ZBTB20: variants seen among roughly 807,000 people sequenced by gnomAD.
ZBTB20 encodes zinc finger and BTB domain containing 20, also known as zinc finger and BTB domain-containing protein 20.
ZBTB20 carries 9 observed loss-of-function variants against 56.9 expected under a neutral mutation model. That is an observed-to-expected ratio of 0.16 (90% CI 0.10 to 0.28). The LOEUF (loss-of-function observed/expected upper bound fraction) is 0.28, where lower values mean the gene tolerates loss of function less well. ZBTB20 is among the 10% of genes least tolerant of loss of function. The pLI is 1.00. For synonymous variants in ZBTB20, 417 were observed against 420.7 expected (o/e 0.99, Z 0.11); for missense variants, 655 against 1,003.0 (o/e 0.65, Z 4.69).
At position 114,926,537 on chromosome 3, in the gene ZBTB20, C is replaced by G. The variant is rs181476205; in HGVS notation, c.-455-26195G>C. ...AAAACAGAAGGCTTTAAAAAAGTACCAAGAGATACAAATAAAAATTGAATA... is the reference window on the plus strand; with the variant it reads ...AAAACAGAAGGCTTTAAAAAAGTACGAAGAGATACAAATAAAAATTGAATA... On this transcript the variant is annotated intron_variant, in intron 3 of 11. Transcript: ENST00000675478. Among the ~76,000 whole-genome samples, 59 of 151,742 alleles carry G rather than the reference C, an allele frequency of 3.9e-4. No individual in the cohort carries two copies. The Middle Eastern group carries it at 0.024, about 61-fold the overall frequency.
intron 7 of ZBTB20, among the ~76,000 whole-genome samples, chr3:114,496,932 G>T (rs2043345381): frequency 6.6e-6 from 1 of 152,174 alleles, no homozygotes; most frequent in South Asian, 2.1e-4. Context: ...CACCCACTAT[G>T]GGCAGTAGGA....
chr3:114,418,436 C>T (rs1042221920), intron 7 of ZBTB20, among the ~76,000 whole-genome samples: 6 of 151,970 alleles, frequency 3.9e-5, no homozygotes, highest in African/African-American at 1.2e-4. Context: ...TGTGGCCATA[C>T]ATTCACTTAG....
rs1033704209 is a variant in ZBTB20, at chr3:114,625,232, A to G, written c.-295+68296T>C. 2.6e-5 allele frequency among the ~76,000 whole-genome samples: 4 copies of G among 152,136 alleles called. 1 individual carries two copies. Among genetic ancestry groups the G allele is most frequent in the Admixed American group, 2.6e-4 (4 of 15,266 alleles). Reference sequence around the variant, plus strand: ...GTAAAAAAAGAAGCATCAAGAGAAAAAAAAAAGCTGCCTACCAAACATAGC... The same window carrying G: ...GTAAAAAAAGAAGCATCAAGAGAAAGAAAAAAGCTGCCTACCAAACATAGC... On this transcript the variant is annotated intron_variant, in intron 6 of 11. Transcript: ENST00000675478.
At chr3:114,687,418 G>A (rs2062409084) in intron 6 of ZBTB20, 1 of 151,942 alleles carries the variant, frequency 6.6e-6, no homozygotes, top group Non-Finnish European at 1.5e-5. Context: ...TTATTTGACT[G>A]CTAGTGACAG....
chr3:114,316,899 A>C lies in ZBTB20; in HGVS notation c.*22106T>G, dbSNP rs569286808. On this transcript the variant is annotated 3_prime_UTR_variant, in exon 12 of 12. Transcript: ENST00000675478. ...GCAGCACCTTTATGAGAAGGTAGAGATAGAAAAGGAAGAAGGAAGGAAAGC... is the reference window on the plus strand; with the variant it reads ...GCAGCACCTTTATGAGAAGGTAGAGCTAGAAAAGGAAGAAGGAAGGAAAGC... The C allele has an allele frequency of 8.3e-4, 173 of 209,378 alleles. 1 individual carries two copies. Among genetic ancestry groups the C allele is most frequent in the Admixed American group, 4.9e-3 (91 of 18,730 alleles). 13.0% of individuals were successfully genotyped at this position (209,378 alleles called of 1,614,324 possible).
intron 5 of ZBTB20, among the ~76,000 whole-genome samples, chr3:114,770,850 T>A (rs901589501): frequency 6.6e-6 from 1 of 152,248 alleles, no homozygotes; most frequent in Admixed American, 6.5e-5. Flanking sequence ...TACTTACCAG[T>A]TGAGTACCCC....
chr3:114,821,069 T>G (rs139130578), intron 4 of ZBTB20, among the ~76,000 whole-genome samples: 28 of 152,270 alleles, frequency 1.8e-4, no homozygotes, highest in Admixed American at 1.8e-3. Flanking sequence ...AATACCAACC[T>G]TGCCTAGTAT....
chr3:114,696,108 G>A (rs761351973), intron 5 of ZBTB20, among the ~76,000 whole-genome samples: 1 of 151,904 alleles, frequency 6.6e-6, no homozygotes, highest in Non-Finnish European at 1.5e-5. Flanking sequence ...CAATAATCTC[G>A]ATCACCCAGT....
intron 5 of ZBTB20, among the ~76,000 whole-genome samples, chr3:114,718,668 A>T (rs2064686282): frequency 6.6e-6 from 1 of 152,124 alleles, no homozygotes; most frequent in Non-Finnish European, 1.5e-5. Context: ...GTGATAATAA[A>T]AATAACATGA....
intron 6 of ZBTB20, among the ~76,000 whole-genome samples, chr3:114,656,836 T>C (rs1187183842): frequency 1.3e-5 from 2 of 152,144 alleles, no homozygotes; most frequent in African/African-American, 4.8e-5. Context: ...CTCCACCTCC[T>C]GGGTTCAAGC....
intron 5 of ZBTB20, among the ~76,000 whole-genome samples, chr3:114,699,526 A>C (rs1258876820): frequency 6.6e-6 from 1 of 152,122 alleles, no homozygotes; most frequent in Non-Finnish European, 1.5e-5. Flanking sequence ...CTTTAGAAAA[A>C]GAATTGCAAC....
intron 2 of ZBTB20, among the ~76,000 whole-genome samples, chr3:115,039,693 T>C (rs757251869): frequency 4.7e-4 from 72 of 152,216 alleles, no homozygotes; most frequent in Non-Finnish European, 8.2e-4. Flanking sequence ...AGCAAAGTAT[T>C]AAAAAGTTGT....
At chr3:114,798,874 G>C (rs1020563843) in intron 5 of ZBTB20, among the ~76,000 whole-genome samples, 4 of 151,658 alleles carry the variant, frequency 2.6e-5, no homozygotes, top group Admixed American at 6.6e-5. Context: ...AGTTTTATGA[G>C]AGCCTTAATT....
chr3:114,316,638 T>G lies in ZBTB20; in HGVS notation c.*22367A>C, dbSNP rs548876058. On this transcript the variant is annotated 3_prime_UTR_variant, in exon 12 of 12. Transcript: ENST00000675478. Reference sequence around the variant, plus strand: ...ATGCTTAACTTTCCCCTGCTCCCTCTGTATATTTTAAACAGTCTGGAGCTT... The same window carrying G: ...ATGCTTAACTTTCCCCTGCTCCCTCGGTATATTTTAAACAGTCTGGAGCTT... 41 of 508,580 alleles carry G rather than the reference T, an allele frequency of 8.1e-5. No homozygotes were observed. The East Asian group carries it at 2.3e-3, about 29-fold the overall frequency. The allele number at this position is 508,580 out of a possible 1,614,324, so 31.5% of individuals were successfully genotyped here.
intron 6 of ZBTB20, among the ~76,000 whole-genome samples, chr3:114,593,735 CATAG>C (rs1352908536): frequency 6.6e-6 from 1 of 152,118 alleles, no homozygotes; most frequent in Non-Finnish European, 1.5e-5. Flanking sequence ...TATAACTGGT[CATAG>C]ATAGTCTGTT....
chr3:114,764,681 A>G (rs1318979514), intron 5 of ZBTB20, among the ~76,000 whole-genome samples: 2 of 152,234 alleles, frequency 1.3e-5, no homozygotes, highest in Non-Finnish European at 2.9e-5. Flanking sequence ...ATCTTGAGCA[A>G]TTAGTAAACA....
chr3:114,352,516 G>A (rs2080786588), intron 10 of ZBTB20, among the ~76,000 whole-genome samples: 1 of 152,208 alleles, frequency 6.6e-6, no homozygotes, highest in Non-Finnish European at 1.5e-5. Context: ...TCATGATCAT[G>A]CTTTCCGGAT....
chr3:115,057,827 G>A (rs1478672575), intron 2 of ZBTB20, among the ~76,000 whole-genome samples: 1 of 152,072 alleles, frequency 6.6e-6, no homozygotes, highest in African/African-American at 2.4e-5. Flanking sequence ...GCATTTTAAA[G>A]ATGTCTATAT....
intron 5 of ZBTB20, chr3:114,710,166 C>T (rs2108433524): frequency 6.6e-6 from 1 of 152,228 alleles, no homozygotes; most frequent in East Asian, 1.9e-4. Flanking sequence ...TTTGTTGGTA[C>T]CTCTTTGCAA....
Sources: allele counts gnomAD v4.1 joint callset (sites outside exome capture counted in the v4.1 genomes callset), GRCh38; gene constraint gnomAD v4.1.1; transcripts MANE v1.5; gene names NCBI Gene and HGNC (gene_info 2026-07-23, HGNC 2026-07-21).